The following CBX2 variants were observed in gnomAD, a reference collection of about 807,000 sequenced individuals.
CBX2 encodes chromobox 2.
In CBX2, 11 loss-of-function variants were observed where a neutral mutation model predicts 21.0. The ratio of observed to expected loss-of-function variants is 0.52; its 90% CI spans 0.33 to 0.87. The LOEUF (loss-of-function observed/expected upper bound fraction) is 0.87. Among genes scored for constraint, CBX2 ranks in the 40% least tolerant of loss-of-function variants. The probability of loss-of-function intolerance (pLI) is 0.02; values close to 1 mark genes in which losing one functional copy is unlikely to be tolerated. For missense variants in CBX2, 746 were observed against 724.3 expected, an observed-to-expected ratio of 1.03 and a Z score of -0.34; for synonymous variants, 364 against 304.6, an observed-to-expected ratio of 1.19 and a Z score of -2.03.
intron 4 of CBX2, chr17:79,782,419 G>A (rs563601496): frequency 3.6e-5 from 48 of 1,329,442 alleles, no homozygotes; most frequent in East Asian, 2.6e-4. Context: ...CCTGGGGTCC[G>A]TGGTAGGGCC....
At chr17:79,779,807 C>T in intron 3 of CBX2, 1 of 312,138 alleles carries the variant, frequency 3.2e-6, no homozygotes, top group Non-Finnish European at 6.4e-6. Context: ...AGGTTTGCCA[C>T]AGTGACGCAG....
rs782792566 is a variant in CBX2 at position 79,784,644 on chromosome 17, G to A, written c.1201G>A (p.Gly401Arg). 3.3e-5 allele frequency: 54 copies of A among 1,612,212 alleles called. No individual in the cohort carries two copies. Among genetic ancestry groups the A allele is most frequent in the African/African-American group, 9.3e-5 (7 of 74,922 alleles). The change falls in exon 5 of 5, where the codon GGG (glycine) becomes AGG (arginine). Residue 401 changes from glycine (G) to arginine (R), a missense_variant. Gly to Arg is a moderately radical substitution (Grantham distance 125). Around this residue, in one of 2 missense-constraint regions of CBX2, gnomAD observed 701 missense variants for 650.7 expected, o/e 1.08. Coordinates refer to ENST00000310942, the MANE Select transcript of CBX2 (RefSeq NM_005189.3). This position sits in a 1 kb window ranked among gnomAD's most constrained non-coding sequence, Gnocchi z 5.9. ...GTGSGLIGAS[G>R]ATMPTDTSKS... ...TGGGAGTGGCCTCATTGGGGCCAGCGGGGCCACCATGCCCACCGACACAAG... is the reference window on the plus strand; with the variant it reads ...TGGGAGTGGCCTCATTGGGGCCAGCAGGGCCACCATGCCCACCGACACAAG...
Position 79,784,557 on chromosome 17 carries a change from G to A in CBX2, c.1114G>A (p.Ala372Thr). ...KNGMPGVGLL[A>T]RHATATKGVP... ...TGGCATGCCCGGGGTGGGTCTCCTTGCCCGCCACGCCACCGCCACCAAGGG... is the reference window on the plus strand; with the variant it reads ...TGGCATGCCCGGGGTGGGTCTCCTTACCCGCCACGCCACCGCCACCAAGGG... The change falls in exon 5 of 5, where the codon GCC (alanine) becomes ACC (threonine). Residue 372 changes from alanine to threonine, a missense_variant. Physicochemically the swap from Ala to Thr is moderately conservative, Grantham distance 58. Coordinates refer to ENST00000310942, the MANE Select transcript of CBX2 (RefSeq NM_005189.3). This position sits in a 1 kb window ranked among gnomAD's most constrained non-coding sequence, Gnocchi z 5.9. 1 of 1,612,536 alleles carries A rather than the reference G, an allele frequency of 6.2e-7. No individual in the cohort carries two copies. Among genetic ancestry groups the A allele is most frequent in the Non-Finnish European group, 8.5e-7 (1 of 1,179,908 alleles).
Position 79,784,867 on chromosome 17 carries a change from C to A in CBX2, c.1424C>A (p.Ser475Ter). The change falls in exon 5 of 5, where the codon TCG (serine) becomes TAG (stop). Residue 475 changes from serine to a stop codon, truncating the protein, a stop_gained. Coordinates refer to ENST00000310942, the MANE Select transcript of CBX2 (RefSeq NM_005189.3). LOFTEE classifies it high-confidence loss of function. This position sits in a 1 kb window ranked among gnomAD's most constrained non-coding sequence, Gnocchi z 5.9. Reference protein sequence around the residue: ...SSSDSDPDSASPPSTGQNPSV... With the variant: ...SSSDSDPDSA Reference sequence around the variant, plus strand: ...TCGGACTCCGACCCCGACTCCGCCTCGCCGCCCAGCACTGGACAGAACCCG... The same window carrying A: ...TCGGACTCCGACCCCGACTCCGCCTAGCCGCCCAGCACTGGACAGAACCCG... 1 of 1,613,264 alleles carries A rather than the reference C, an allele frequency of 6.2e-7. No homozygotes were observed. Among genetic ancestry groups the A allele is most frequent in the Non-Finnish European group, 8.5e-7 (1 of 1,179,990 alleles).
chr17:79,780,754 G>T (rs1469533998), intron 3 of CBX2, among the ~76,000 whole-genome samples: 1 of 152,172 alleles, frequency 6.6e-6, no homozygotes. Context: ...GGGGGTGGGG[G>T]TATGGCCCTT....
chr17:79,784,179 G>T lies in CBX2; in HGVS notation c.736G>T (p.Gly246Cys), dbSNP rs562654056. The T allele has an allele frequency of 1.2e-6, 2 of 1,612,828 alleles. No individual in the cohort carries two copies. Among genetic ancestry groups the T allele is most frequent in the Non-Finnish European group, 1.7e-6 (2 of 1,179,948 alleles). ...SLMKGMASSP[G>C]RGGISWQSSI... Reference sequence around the variant, plus strand: ...AATGAAGGGCATGGCCAGTAGCCCCGGCCGGGGTGGCATCAGCTGGCAGAG... The same window carrying T: ...AATGAAGGGCATGGCCAGTAGCCCCTGCCGGGGTGGCATCAGCTGGCAGAG... The change falls in exon 5 of 5, where the codon GGC becomes TGC. Residue 246 changes from glycine (G) to cysteine (C), a missense_variant. Around this residue, in one of 2 missense-constraint regions of CBX2, gnomAD observed 701 missense variants for 650.7 expected, o/e 1.08. Coordinates refer to ENST00000310942, the MANE Select transcript of CBX2 (RefSeq NM_005189.3). This position sits in a 1 kb window ranked among gnomAD's most constrained non-coding sequence, Gnocchi z 5.9.
At chr17:79,779,052 C>T (rs936176265) in intron 2 of CBX2, among the ~76,000 whole-genome samples, 3 of 152,240 alleles carry the variant, frequency 2.0e-5, no homozygotes, top group Admixed American at 1.3e-4. Flanking sequence ...GAATCCCTCT[C>T]TGCAACTTTG....
chr17:79,778,154 T>C lies in CBX2; in HGVS notation c.-82T>C. ...GCCGGCGCCGGGCGGGGGCGGTGCTTTGTGTGCTGCCGGCGGGGCGCGCGG... is the reference window on the plus strand; with the variant it reads ...GCCGGCGCCGGGCGGGGGCGGTGCTCTGTGTGCTGCCGGCGGGGCGCGCGG... On this transcript the variant is annotated 5_prime_UTR_variant, in exon 1 of 5. Coordinates refer to ENST00000310942, the MANE Select transcript of CBX2 (RefSeq NM_005189.3). The surrounding 1 kb of genome is among the most constrained non-coding windows in gnomAD (Gnocchi z 4.8). 1 of 721,846 alleles carries C rather than the reference T, an allele frequency of 1.4e-6. No homozygotes were observed. The highest frequency in any genetic ancestry group is 6.2e-5 in the East Asian group (1 of 16,244). 44.7% of individuals were successfully genotyped at this position (721,846 alleles called of 1,614,324 possible).
rs1906934416 is a variant in CBX2, at chr17:79,778,782, T to C, written c.116+355T>C. On this transcript the variant is annotated intron_variant, in intron 2 of 4. Coordinates refer to ENST00000310942, the MANE Select transcript of CBX2 (RefSeq NM_005189.3). This position sits in a 1 kb window ranked among gnomAD's most constrained non-coding sequence, Gnocchi z 4.8. Reference sequence around the variant, plus strand: ...CGCTGTAACCTGAGCTTGCTATTGATGGATGTAGAGTTTCTTTTTTTTTTT... The same window carrying C: ...CGCTGTAACCTGAGCTTGCTATTGACGGATGTAGAGTTTCTTTTTTTTTTT... Among the ~76,000 whole-genome samples the C allele has an allele frequency of 6.6e-6, 1 of 151,812 alleles. No individual in the cohort carries two copies. Among genetic ancestry groups the C allele is most frequent in the Admixed American group, 6.5e-5 (1 of 15,278 alleles).
At position 79,784,857 on chromosome 17, in the gene CBX2, G is replaced by A. The variant is rs199672117; in HGVS notation, c.1414G>A (p.Asp472Asn). The A allele has an allele frequency of 1.7e-5, 28 of 1,613,056 alleles. No individual in the cohort carries two copies. The highest frequency in any genetic ancestry group is 2.2e-5 in the South Asian group (2 of 91,052). ...GAGTAGCAGCTCGGACTCCGACCCC[G>A]ACTCCGCCTCGCCGCCCAGCACTGG... ...EESSSSDSDP[D>N]SASPPSTGQN... Residue 472 changes from aspartate (D) to asparagine (N), a missense_variant, in exon 5 of 5, where the codon GAC becomes AAC. By Grantham distance (23) the Asp-to-Asn change is conservative (BLOSUM62 1). This residue lies in a region of CBX2 where 701 missense variants were observed against 650.7 expected (regional missense o/e 1.08). Coordinates refer to ENST00000310942, the MANE Select transcript of CBX2 (RefSeq NM_005189.3). The surrounding 1 kb of genome is among the most constrained non-coding windows in gnomAD (Gnocchi z 5.9).
chr17:79,785,784 T>G lies in CBX2; in HGVS notation c.*742T>G, dbSNP rs952048114. On this transcript the variant is annotated 3_prime_UTR_variant, in exon 5 of 5. Transcript: ENST00000310942. ...AGCATCCATAGCCCACAAGCCAGCG[T>G]GGGTGGGGCGGGGGTGGTCCCACAG... The G allele has an allele frequency of 3.9e-5, 6 of 152,560 alleles. No homozygotes were observed. Among genetic ancestry groups the G allele is most frequent in the East Asian group, 1.9e-4 (1 of 5,194 alleles). 9.5% of individuals were successfully genotyped at this position (152,560 alleles called of 1,614,324 possible). A position where few individuals can be genotyped will look rare whatever the true frequency, so the allele number is the denominator to read the frequency against.
chr17:79,781,731 G>T lies in CBX2; in HGVS notation c.218G>T (p.Gly73Val), dbSNP rs1555830276. Residue 73 changes from glycine (G) to valine (V), a missense_variant, in exon 4 of 5, where the codon GGC becomes GTC. Gly to Val is a moderately radical substitution (Grantham distance 109). Coordinates refer to ENST00000310942, the MANE Select transcript of CBX2 (RefSeq NM_005189.3). ...HEKEVQNRKR[G>V]KRPRGRPRKL... ...AAGGAGGTGCAGAACCGGAAGAGAG[G>T]CAAGAGGCCGAGAGGCCGGCCAAGG... The T allele has an allele frequency of 1.2e-6, 2 of 1,613,966 alleles. No homozygotes were observed. Among genetic ancestry groups the T allele is most frequent in the African/African-American group, 2.7e-5 (2 of 74,914 alleles).
In CBX2 at chr17:79,784,864, C is replaced by T. The variant is rs150658915; in HGVS notation, c.1421C>T (p.Ala474Val). The change falls in exon 5 of 5, where the codon GCC (alanine) becomes GTC (valine). Residue 474 changes from alanine to valine, a missense_variant. Physicochemically the swap from Ala to Val is moderately conservative, Grantham distance 64 (BLOSUM62 0). This residue lies in a region of CBX2 where 701 missense variants were observed against 650.7 expected (regional missense o/e 1.08). Transcript: ENST00000310942. The surrounding 1 kb of genome is among the most constrained non-coding windows in gnomAD (Gnocchi z 5.9). ...AGCTCGGACTCCGACCCCGACTCCGCCTCGCCGCCCAGCACTGGACAGAAC... is the reference window on the plus strand; with the variant it reads ...AGCTCGGACTCCGACCCCGACTCCGTCTCGCCGCCCAGCACTGGACAGAAC... ...SSSSDSDPDSASPPSTGQNPS... is the reference protein window; with the variant it reads ...SSSSDSDPDSVSPPSTGQNPS... 1.2e-5 allele frequency: 19 copies of T among 1,613,222 alleles called. No individual in the cohort carries two copies. In the African/African-American group the frequency reaches 1.9e-4, roughly 16 times the overall value.
intron 3 of CBX2, among the ~76,000 whole-genome samples, chr17:79,780,500 G>C (rs1304357854): frequency 6.6e-6 from 1 of 152,206 alleles, no homozygotes; most frequent in African/African-American, 2.4e-5. Context: ...TGGGGGAATG[G>C]CTTGGCCCAC....
At chr17:79,777,750 C>T (rs949227529), upstream of CBX2, among the ~76,000 whole-genome samples, 1 of 152,112 alleles carries the variant, frequency 6.6e-6, no homozygotes, top group Non-Finnish European at 1.5e-5. Flanking sequence ...AAGCAGCCGC[C>T]GCGCCCCGTC....
At chr17:79,782,389 G>T in intron 4 of CBX2, 1 of 1,396,700 alleles carries the variant, frequency 7.2e-7, no homozygotes, top group South Asian at 1.5e-5. Flanking sequence ...GGCTCACCCC[G>T]CCACAGGTAT....
Position 79,778,168 on chromosome 17 carries a change from C to G in CBX2, c.-68C>G, listed in dbSNP as rs1423104640. 4.3e-6 allele frequency: 4 copies of G among 937,028 alleles called. No individual in the cohort carries two copies. Among genetic ancestry groups the G allele is most frequent in the Non-Finnish European group, 5.4e-6 (4 of 744,062 alleles). The allele number at this position is 937,028 out of a possible 1,614,324, so 58.0% of individuals were successfully genotyped here. Reference sequence around the variant, plus strand: ...GGGGCGGTGCTTTGTGTGCTGCCGGCGGGGCGCGCGGCGGTCCGGGCGGGT... The same window carrying G: ...GGGGCGGTGCTTTGTGTGCTGCCGGGGGGGCGCGCGGCGGTCCGGGCGGGT... On this transcript the variant is annotated 5_prime_UTR_variant, in exon 1 of 5. Transcript: ENST00000310942. This position sits in a 1 kb window ranked among gnomAD's most constrained non-coding sequence, Gnocchi z 4.8.
intron 3 of CBX2, chr17:79,779,658 A>G: frequency 1.7e-6 from 1 of 578,808 alleles, no homozygotes; most frequent in Non-Finnish European, 3.1e-6. Flanking sequence ...GAACCTAAGT[A>G]AGTGCTGCTT....
chr17:79,778,467 C>G lies in CBX2; in HGVS notation c.116+40C>G. 2.2e-6 allele frequency: 3 copies of G among 1,368,742 alleles called. No homozygotes were observed. Among genetic ancestry groups the G allele is most frequent in the Non-Finnish European group, 3.0e-6 (3 of 1,014,138 alleles). 84.8% of individuals were successfully genotyped at this position (1,368,742 alleles called of 1,614,324 possible). A position where few individuals can be genotyped will look rare whatever the true frequency, so the allele number is the denominator to read the frequency against. ...ACGCCGCGCCCCCCTCCCGCCCCCT[C>G]GCCCGGGGGTGGGGACGTGGAGCCC... On this transcript the variant is annotated intron_variant, in intron 2 of 4. Transcript: ENST00000310942. The surrounding 1 kb of genome is among the most constrained non-coding windows in gnomAD (Gnocchi z 4.8).
Sources: gnomAD v4.1 joint callset for allele counts (sites outside exome capture counted in the v4.1 genomes callset) on GRCh38, gnomAD v4.1.1 for gene constraint, gnomAD v4.1.1 regional missense constraint, Gnocchi (gnomAD v3.1) non-coding constraint, MANE v1.5 for transcripts, NCBI Gene and HGNC (gene_info 2026-07-23, HGNC 2026-07-21) for gene names.